MACROD2: variants seen among roughly 807,000 people sequenced by gnomAD.
MACROD2 encodes ADP-ribose glycohydrolase MACROD2.
Under a neutral mutation model 70.4 loss-of-function variants are expected in MACROD2, and 36 were observed. That is an observed-to-expected ratio of 0.51 (90% CI 0.39 to 0.68). The LOEUF is 0.68. MACROD2 is among the 30% of genes least tolerant of loss of function. The pLI, the probability that MACROD2 is intolerant of heterozygous loss-of-function variation, is 0.00. For missense variants in MACROD2, 496 were observed against 538.4 expected, an observed-to-expected ratio of 0.92 and a Z score of 0.78; for synonymous variants, 172 against 178.8, an observed-to-expected ratio of 0.96 and a Z score of 0.30.
intron 15 of MACROD2, among the ~76,000 whole-genome samples, chr20:16,001,366 T>A (rs2066706337): frequency 6.6e-6 from 1 of 152,204 alleles, no homozygotes; most frequent in Non-Finnish European, 1.5e-5. Context: ...CTGCAATGAT[T>A]AAGAAAAAAG....
chr20:14,421,102 T>C lies in MACROD2; in HGVS notation c.272-72377T>C, dbSNP rs569128774. On this transcript the variant is annotated intron_variant, in intron 3 of 17. Coordinates refer to ENST00000684519, the MANE Select transcript of MACROD2 (RefSeq NM_001351661.2). ...GTGTATAATCCTTTAAATATGTTGC[T>C]GAATTTATATTGCTAGTATTTTGTC... is the stretch of plus-strand genomic sequence containing the variant. Among the ~76,000 whole-genome samples, 52 of 152,370 alleles carry C rather than the reference T, an allele frequency of 3.4e-4. No individual in the cohort carries two copies. The South Asian group carries it at 6.2e-3, about 18-fold the overall frequency.
chr20:14,077,829 G>C (rs1243168131), intron 2 of MACROD2, among the ~76,000 whole-genome samples: 6 of 150,518 alleles, frequency 4.0e-5, no homozygotes, highest in Non-Finnish European at 1.5e-5. Flanking sequence ...TTTTATTTCT[G>C]TTAAAGCAAC....
At chr20:14,394,854 A>G (rs1175316951) in intron 3 of MACROD2, among the ~76,000 whole-genome samples, 2 of 152,176 alleles carry the variant, frequency 1.3e-5, no homozygotes, top group Admixed American at 6.5e-5. Context: ...ATATGATTAT[A>G]TGTATTTTCT....
At chr20:15,560,788 A>AAAAAAAAAAAAAAAAAAC (rs2048233076) in intron 8 of MACROD2, among the ~76,000 whole-genome samples, 1 of 150,914 alleles carries the variant, frequency 6.6e-6, no homozygotes, top group Non-Finnish European at 1.5e-5. Context: ...AAAAAAAAAA[A>AAAAAAAAAAAAAAAAAAC]AAAGACTGAT....
chr20:14,477,898 C>A (rs2084616399), intron 3 of MACROD2, among the ~76,000 whole-genome samples: 1 of 151,774 alleles, frequency 6.6e-6, no homozygotes, highest in African/African-American at 2.4e-5. Flanking sequence ...TATCAGATGC[C>A]CCATATTGTA....
intron 6 of MACROD2, among the ~76,000 whole-genome samples, chr20:15,307,187 C>T (rs902252215): frequency 6.6e-6 from 1 of 152,118 alleles, no homozygotes; most frequent in African/African-American, 2.4e-5. Flanking sequence ...CACCAAAGCT[C>T]TATGCTGATC....
Position 14,390,706 on chromosome 20 carries a change from G to A in MACROD2, c.272-102773G>A, listed in dbSNP as rs893316534. On this transcript the variant is annotated intron_variant, in intron 3 of 17. Coordinates refer to ENST00000684519, the MANE Select transcript of MACROD2 (RefSeq NM_001351661.2). ...CTAGCCATATACAGAGATTAAAACT[G>A]GACCCCTTACTTATACCATATACAA... Among the ~76,000 whole-genome samples the A allele has an allele frequency of 2.0e-5, 3 of 152,084 alleles. No homozygotes were observed. In the East Asian group the frequency reaches 5.8e-4, roughly 29 times the overall value.
At chr20:14,813,250 A>G (rs1321989264) in intron 5 of MACROD2, among the ~76,000 whole-genome samples, 1 of 151,692 alleles carries the variant, frequency 6.6e-6, no homozygotes, top group African/African-American at 2.4e-5. Flanking sequence ...TTCATAGGTA[A>G]ATGTGGGCCA....
At chr20:15,357,378 T>A (rs1353578644) in intron 6 of MACROD2, among the ~76,000 whole-genome samples, 1 of 152,202 alleles carries the variant, frequency 6.6e-6, no homozygotes, top group Admixed American at 6.5e-5. Context: ...AACAAGAATA[T>A]GGTAGCTTTA....
intron 3 of MACROD2, among the ~76,000 whole-genome samples, chr20:14,237,058 C>A (rs909803319): frequency 2.4e-4 from 36 of 152,036 alleles, no homozygotes; most frequent in African/African-American, 8.2e-4. Flanking sequence ...AGAATTCCTG[C>A]TGGATGGTTA....
chr20:14,967,582 A>G (rs1255313063), intron 5 of MACROD2, among the ~76,000 whole-genome samples: 1 of 152,204 alleles, frequency 6.6e-6, no homozygotes, highest in East Asian at 1.9e-4. Context: ...TCACTCTCTT[A>G]GTGTCAACTT....
At chr20:14,924,304 TG>T (rs2122649108) in intron 5 of MACROD2, among the ~76,000 whole-genome samples, 1 of 152,042 alleles carries the variant, frequency 6.6e-6, no homozygotes, top group South Asian at 2.1e-4. Flanking sequence ...CCTGGCGTGG[TG>T]GTACACGTCT....
chr20:14,654,563 C>G (rs1347184564), intron 4 of MACROD2, among the ~76,000 whole-genome samples: 1 of 150,848 alleles, frequency 6.6e-6, no homozygotes, highest in East Asian at 2.0e-4. Context: ...AAAAAAAAAT[C>G]ATTCTTTGAA....
intron 8 of MACROD2, among the ~76,000 whole-genome samples, chr20:15,581,311 C>T (rs371101935): frequency 4.6e-5 from 7 of 152,352 alleles, no homozygotes; most frequent in Middle Eastern, 6.8e-3. Context: ...AGTACACAGA[C>T]GTCCACTGGT....
intron 8 of MACROD2, among the ~76,000 whole-genome samples, chr20:15,729,548 C>T (rs1343003930): frequency 1.3e-5 from 2 of 152,028 alleles, no homozygotes; most frequent in African/African-American, 4.8e-5. Flanking sequence ...TAAGAACTTG[C>T]TTTATGAATC....
At chr20:14,357,321 T>C (rs1290309640) in intron 3 of MACROD2, among the ~76,000 whole-genome samples, 1 of 152,236 alleles carries the variant, frequency 6.6e-6, no homozygotes, top group Non-Finnish European at 1.5e-5. Context: ...TTTTACTAAA[T>C]GCAGATTATG....
intron 5 of MACROD2, among the ~76,000 whole-genome samples, chr20:14,953,353 T>C (rs1329680825): frequency 1.3e-5 from 2 of 152,136 alleles, no homozygotes; most frequent in African/African-American, 2.4e-5. Flanking sequence ...GTCGCCCAGG[T>C]TGGAGTGCAG....
At chr20:14,079,473 CTT>C (rs922110137) in intron 2 of MACROD2, among the ~76,000 whole-genome samples, 3 of 152,086 alleles carry the variant, frequency 2.0e-5, no homozygotes, top group African/African-American at 7.2e-5. Context: ...TTTAAGGAGA[CTT>C]TTTTTCTGTT....
chr20:15,325,957 C>T (rs558609683), intron 6 of MACROD2, among the ~76,000 whole-genome samples: 1 of 152,200 alleles, frequency 6.6e-6, no homozygotes, highest in African/African-American at 2.4e-5. Flanking sequence ...TATCCATCAC[C>T]TTCAGGTCCA....
Sources: gnomAD v4.1 joint callset for allele counts (sites outside exome capture counted in the v4.1 genomes callset) on GRCh38, gnomAD v4.1.1 for gene constraint, MANE v1.5 for transcripts, NCBI Gene and HGNC (gene_info 2026-07-23, HGNC 2026-07-21) for gene names.